The following LHFPL2 variants were observed in gnomAD, a reference collection of about 807,000 sequenced individuals.
LHFPL2 encodes the protein LHFPL tetraspan subfamily member 2 protein.
A neutral mutation model predicts 17.5 loss-of-function variants in LHFPL2; 7 were observed. That is an observed-to-expected ratio of 0.40 (90% CI 0.23 to 0.75). LHFPL2 has a LOEUF of 0.75. Ranked by LOEUF, LHFPL2 falls within the 30% of genes least tolerant of loss-of-function variation. The probability of loss-of-function intolerance (pLI) is 0.37; values close to 1 mark genes in which losing one functional copy is unlikely to be tolerated. For synonymous variants in LHFPL2, 134 were observed against 116.2 expected, an observed-to-expected ratio of 1.15 and a Z score of -0.99; for missense variants, 241 against 294.8, an observed-to-expected ratio of 0.82 and a Z score of 1.34.
At chr5:78,569,232 T>C (rs189125066) in intron 2 of LHFPL2, among the ~76,000 whole-genome samples, 2 of 152,244 alleles carry the variant, frequency 1.3e-5, no homozygotes, top group South Asian at 2.1e-4. Context: ...CACAAAACCA[T>C]CCCTTCTACC....
intron 2 of LHFPL2, among the ~76,000 whole-genome samples, chr5:78,611,813 T>C (rs1246152505): frequency 2.0e-5 from 3 of 152,174 alleles, no homozygotes. Flanking sequence ...GCACAAACTT[T>C]TTTTACAGAA....
intron 4 of LHFPL2, among the ~76,000 whole-genome samples, chr5:78,489,758 C>G (rs1203465912): frequency 3.9e-5 from 6 of 152,220 alleles, no homozygotes; most frequent in African/African-American, 1.4e-4. Context: ...CTAAGGCCCT[C>G]AAGCCAAATG....
chr5:78,618,861 GAAGA>G (rs1358418866), intron 2 of LHFPL2, among the ~76,000 whole-genome samples: 3 of 152,190 alleles, frequency 2.0e-5, no homozygotes, highest in East Asian at 1.9e-4. Flanking sequence ...CGGAGCCTGA[GAAGA>G]AAGAACCAGA....
chr5:78,579,136 A>G (rs2112438773), intron 2 of LHFPL2, among the ~76,000 whole-genome samples: 2 of 152,292 alleles, frequency 1.3e-5, no homozygotes, highest in Middle Eastern at 3.4e-3. Context: ...ATTGTCCTTA[A>G]GCAAAGCAAA....
chr5:78,640,632 T>C (rs1465847997), intron 1 of LHFPL2, among the ~76,000 whole-genome samples: 2 of 152,108 alleles, frequency 1.3e-5, no homozygotes, highest in Non-Finnish European at 2.9e-5. Context: ...ACATACTACT[T>C]GTAGAAAATC....
At chr5:78,624,291 G>A (rs1036442131) in intron 2 of LHFPL2, among the ~76,000 whole-genome samples, 2 of 152,200 alleles carry the variant, frequency 1.3e-5, no homozygotes, top group Non-Finnish European at 2.9e-5. Flanking sequence ...GAAATGAGAA[G>A]GGTTGTATAA....
Position 78,603,564 on chromosome 5 carries a change from AG to A in LHFPL2, c.-245+28699del, listed in dbSNP as rs138506846. On this transcript the variant is annotated intron_variant, in intron 2 of 4. Coordinates refer to ENST00000380345, the MANE Select transcript of LHFPL2 (RefSeq NM_005779.3). ...TATCCGCAGGAATGGACCCCAAGAG[AG>A]GGGGAAAAGCAATCTACTTAAAGAT... Among the ~76,000 whole-genome samples the A allele has an allele frequency of 7.6e-3, 1,151 of 152,276 alleles. 15 individuals carry two copies. The highest frequency in any genetic ancestry group is 0.026 in the African/African-American group (1,076 of 41,536).
At chr5:78,554,172 G>A (rs1422065783) in intron 3 of LHFPL2, among the ~76,000 whole-genome samples, 2 of 152,208 alleles carry the variant, frequency 1.3e-5, no homozygotes, top group African/African-American at 4.8e-5. Flanking sequence ...GAAAACTTAC[G>A]ACAGTGCAAG....
chr5:78,488,948 G>A lies in LHFPL2; in HGVS notation c.636C>T (p.Asp212=), dbSNP rs1163063012. 6.2e-6 allele frequency: 10 copies of A among 1,613,952 alleles called. No homozygotes were observed. The highest frequency in any genetic ancestry group is 6.8e-6 in the Non-Finnish European group (8 of 1,179,952). The part of the protein sequence containing the change: ...SAQAEIATSS[D]KVQEEIEEGK... ...CCTCTTCAATTTCTTCCTGTACTTTGTCACTAGAGGTTGCAATTTCTGCTT... is the reference window on the plus strand; with the variant it reads ...CCTCTTCAATTTCTTCCTGTACTTTATCACTAGAGGTTGCAATTTCTGCTT... The change falls in exon 5 of 5, where the codon GAC becomes GAT. Residue 212 remains aspartate (D), a synonymous_variant. Transcript: ENST00000380345.
chr5:78,610,049 C>T (rs1744365060), intron 2 of LHFPL2, among the ~76,000 whole-genome samples: 1 of 152,092 alleles, frequency 6.6e-6, no homozygotes, highest in African/African-American at 2.4e-5. Context: ...ACCTACCTAG[C>T]CTGCCAGGGG....
intron 2 of LHFPL2, among the ~76,000 whole-genome samples, chr5:78,608,585 T>C (rs1249704138): frequency 2.0e-5 from 2 of 99,178 alleles, no homozygotes; most frequent in African/African-American, 5.9e-5. Flanking sequence ...TAAATTCTAT[T>C]TGCAAAAAAA....
intron 3 of LHFPL2, among the ~76,000 whole-genome samples, chr5:78,544,382 G>C (rs1023574349): frequency 6.6e-6 from 1 of 152,100 alleles, no homozygotes; most frequent in African/African-American, 2.4e-5. Context: ...CATCATTACA[G>C]GTAGCACATT....
chr5:78,509,445 G>A (rs1411099477), intron 4 of LHFPL2, among the ~76,000 whole-genome samples: 1 of 152,222 alleles, frequency 6.6e-6, no homozygotes, highest in Non-Finnish European at 1.5e-5. Context: ...GAGTTGCACT[G>A]AAGTGGAGAG....
intron 2 of LHFPL2, among the ~76,000 whole-genome samples, chr5:78,605,400 C>T (rs1026047611): frequency 1.3e-5 from 2 of 152,126 alleles, no homozygotes; most frequent in Non-Finnish European, 2.9e-5. Flanking sequence ...ATGGCCCTGA[C>T]AGGGGCATCA....
At chr5:78,616,471 C>T (rs1348573893) in intron 2 of LHFPL2, among the ~76,000 whole-genome samples, 1 of 152,078 alleles carries the variant, frequency 6.6e-6, no homozygotes, top group Non-Finnish European at 1.5e-5. Context: ...TGGATTGCTT[C>T]GGAAGACATT....
chr5:78,541,512 CAA>C (rs1371372689), intron 3 of LHFPL2, among the ~76,000 whole-genome samples: 5 of 152,140 alleles, frequency 3.3e-5, no homozygotes, highest in Non-Finnish European at 5.9e-5. Context: ...GTGGAAAACG[CAA>C]AGTCAGTCCC....
intron 4 of LHFPL2, chr5:78,494,279 G>T: frequency 5.3e-6 from 4 of 755,406 alleles, no homozygotes; most frequent in East Asian, 1.3e-4. Flanking sequence ...GAAGAAATGG[G>T]GGGGAGAATG....
At position 78,527,829 on chromosome 5, in the gene LHFPL2, A is replaced by G. The variant is rs1580777343; in HGVS notation, c.-185-17431T>C. On this transcript the variant is annotated intron_variant, in intron 3 of 4. Transcript: ENST00000380345. The stretch of plus-strand genomic sequence containing the variant: ...ACCCTACCCCAAGCTTTATTTATTC[A>G]GATACATGGCATTTACTGAACTGCC... Among the ~76,000 whole-genome samples, 5 of 152,332 alleles carry G rather than the reference A, an allele frequency of 3.3e-5. No homozygotes were observed. The South Asian group carries it at 1.0e-3, about 32-fold the overall frequency.
chr5:78,618,293 G>A (rs1182587791), intron 2 of LHFPL2, among the ~76,000 whole-genome samples: 1 of 152,144 alleles, frequency 6.6e-6, no homozygotes, highest in Non-Finnish European at 1.5e-5. Flanking sequence ...CAGATGAAGA[G>A]GTTGATTTTA....
Sources: allele counts gnomAD v4.1 joint callset (sites outside exome capture counted in the v4.1 genomes callset), GRCh38; gene constraint gnomAD v4.1.1; transcripts MANE v1.5; gene names NCBI Gene and HGNC (gene_info 2026-07-23, HGNC 2026-07-21).